Variants in ADH4 observed in about 807,000 individuals in gnomAD.
ADH4 encodes alcohol dehydrogenase 4 (class II), pi polypeptide.
ADH4 carries 31 observed loss-of-function variants against 35.2 expected under a neutral mutation model. That is an observed-to-expected ratio of 0.88 (90% CI 0.66 to 1.19). ADH4 has a LOEUF of 1.19. Ranked by LOEUF, ADH4 falls within the 50% of genes most tolerant of loss-of-function variation. ADH4 has a pLI of 0.00. For missense variants in ADH4, 476 were observed against 458.3 expected (o/e 1.04, Z -0.35); for synonymous variants, 171 against 160.2 (o/e 1.07, Z -0.51).
chr4:99,125,286 C>T (rs75115442), intron 8 of ADH4, among the ~76,000 whole-genome samples: 102 of 152,282 alleles, frequency 6.7e-4, no homozygotes, highest in African/African-American at 2.4e-3. Flanking sequence ...TGTGGGCAGT[C>T]AGGTGGTATT....
intron 6 of ADH4, among the ~76,000 whole-genome samples, chr4:99,129,561 G>A (rs1428142690): frequency 6.6e-6 from 1 of 152,088 alleles, no homozygotes; most frequent in Non-Finnish European, 1.5e-5. Context: ...TTTATAACCT[G>A]TTTCTTTTGA....
At chr4:99,131,305 T>C (rs991050024) in intron 6 of ADH4, among the ~76,000 whole-genome samples, 199 bp downstream of exon 6, 1 of 152,064 alleles carries the variant, frequency 6.6e-6, no homozygotes, top group African/African-American at 2.4e-5. Context: ...GTACTGGCAT[T>C]TGGGGGGACA....
rs145793949 is a variant in ADH4 at position 99,142,704 on chromosome 4, G to C, written c.95C>G (p.Pro32Arg). The part of the protein sequence containing the change: ...LCIEEVEVAP[P>R]KAHEVRIQII... ...CTGAATGCGAACTTCATGAGCCTTGGGGGGAGCTACTTCAACCTCTTCAAT... is the reference window on the plus strand; with the variant it reads ...CTGAATGCGAACTTCATGAGCCTTGCGGGGAGCTACTTCAACCTCTTCAAT... Residue 32 changes from proline (P) to arginine (R), a missense_variant, in exon 2 of 9, where the codon CCC (proline) becomes CGC (arginine). Pro to Arg is a moderately radical substitution (Grantham distance 103, BLOSUM62 -2). Coordinates refer to ENST00000265512, the MANE Select transcript of ADH4 (RefSeq NM_000670.5). The C allele has an allele frequency of 6.2e-5, 100 of 1,600,556 alleles. No individual in the cohort carries two copies. The highest frequency in any genetic ancestry group is 1.5e-4 in the South Asian group (13 of 88,856).
rs4148891 is a variant in ADH4 at position 99,127,193 on chromosome 4, GA to G, written c.979+15del. On this transcript the variant is annotated intron_variant, in intron 7 of 8. Transcript: ENST00000265512. ...TAGGAAAAGAATTTAAAGCTATGAA[GA>G]AAAAAAAAACTGACCACCAAAGAAT... 3.5e-4 allele frequency: 441 copies of G among 1,257,156 alleles called. No homozygotes were observed. Among genetic ancestry groups the G allele is most frequent in the African/African-American group, 3.0e-3 (196 of 64,934 alleles). The allele number at this position is 1,257,156 out of a possible 1,614,324, so 77.9% of individuals were successfully genotyped here.
Position 99,142,805 on chromosome 4 carries a change from A to C in ADH4, c.19-25T>G. On this transcript the variant is annotated intron_variant, in intron 1 of 8. Transcript: ENST00000265512. ...CCTGAAAGAGAGAAAGAAAAGGAAG[A>C]GGGAGATAGAGATAGAGATTTTGAC... 3.9e-6 allele frequency: 6 copies of C among 1,553,184 alleles called. No individual in the cohort carries two copies. In the South Asian group the frequency reaches 7.2e-5, roughly 19 times the overall value.
In ADH4 at chr4:99,139,161, G is replaced by A. The variant is rs1172665400; in HGVS notation, c.263-13C>T. On this transcript the variant is annotated splice_polypyrimidine_tract_variant and intron_variant, in intron 3 of 8. Transcript: ENST00000265512. ...ATTACTTTGTCACCTAGAAAGAAAG[G>A]CCATATGTTGGATGGTGCCTAAGGT... The A allele has an allele frequency of 2.5e-6, 4 of 1,590,990 alleles. No homozygotes were observed. Among genetic ancestry groups the A allele is most frequent in the African/African-American group, 1.3e-5 (1 of 74,406 alleles).
At chr4:99,127,691 T>C (rs1225393577) in intron 6 of ADH4, among the ~76,000 whole-genome samples, 1 of 151,706 alleles carries the variant, frequency 6.6e-6, no homozygotes, top group Non-Finnish European at 1.5e-5. Flanking sequence ...TAGCTGGGTG[T>C]GGTTGTGCCT....
intron 6 of ADH4, among the ~76,000 whole-genome samples, chr4:99,129,864 T>C (rs1729219741): frequency 6.6e-6 from 1 of 152,222 alleles, no homozygotes; most frequent in Admixed American, 6.5e-5. Flanking sequence ...CTAAGAATTA[T>C]GTATTCCCCT....
intron 5 of ADH4, among the ~76,000 whole-genome samples, chr4:99,133,335 C>T (rs375722666): frequency 1.8e-4 from 28 of 152,224 alleles, no homozygotes; most frequent in African/African-American, 6.7e-4. Context: ...AGGACATTTC[C>T]ACACTTCCAA....
intron 3 of ADH4, 111 bp downstream of exon 3, chr4:99,141,430 G>T (rs947087747): frequency 2.9e-6 from 3 of 1,019,044 alleles, no homozygotes; most frequent in African/African-American, 3.2e-5. Flanking sequence ...TGGAAAAGAT[G>T]GTCCCCTTTT....
chr4:99,134,398 G>A (rs920767934), intron 5 of ADH4, among the ~76,000 whole-genome samples: 2 of 149,592 alleles, frequency 1.3e-5, no homozygotes, highest in Admixed American at 6.7e-5. Flanking sequence ...ATATCAAAAC[G>A]TTAATTGCAC....
At position 99,141,679 on chromosome 4, in the gene ADH4, T is replaced by C. The variant is rs781034184; in HGVS notation, c.124A>G (p.Ile42Val). ...PKAHEVRIQIIATSLCHTDAT... is the reference protein window; with the variant it reads ...PKAHEVRIQIVATSLCHTDAT... ...TCAGTATGGCACAGAGAGGTAGCAA[T>C]GATCTACAAGGCAATCACAGACTTT... Residue 42 changes from isoleucine (I) to valine (V), a missense_variant, in exon 3 of 9, where the codon ATT becomes GTT. Coordinates refer to ENST00000265512, the MANE Select transcript of ADH4 (RefSeq NM_000670.5). 3.8e-5 allele frequency: 62 copies of C among 1,613,316 alleles called. No individual in the cohort carries two copies. The highest frequency in any genetic ancestry group is 1.6e-4 in the Middle Eastern group (1 of 6,078).
chr4:99,137,348 G>A (rs191709104), intron 4 of ADH4, among the ~76,000 whole-genome samples: 12 of 151,856 alleles, frequency 7.9e-5, no homozygotes, highest in Admixed American at 2.6e-4. Flanking sequence ...GGCTGGTCTC[G>A]AACTCCTGAC....
chr4:99,136,449 G>A lies in ADH4; in HGVS notation c.582+17C>T, dbSNP rs374074966. The A allele has an allele frequency of 6.2e-7, 1 of 1,600,848 alleles. No homozygotes were observed. ...TAGTAACTTCTGTTTTACACAAACT[G>A]GTGTTTAACCATTTACCTTGGCATT... On this transcript the variant is annotated intron_variant, in intron 5 of 8. Transcript: ENST00000265512.
chr4:99,126,468 G>T, intron 8 of ADH4, 126 bp downstream of exon 8: 1 of 866,942 alleles, frequency 1.2e-6, no homozygotes, highest in Non-Finnish European at 1.7e-6. Flanking sequence ...AATCTTTTAA[G>T]CACATCTAGT....
intron 5 of ADH4, among the ~76,000 whole-genome samples, chr4:99,134,015 C>T (rs1164570984): frequency 6.6e-6 from 1 of 152,086 alleles, no homozygotes; most frequent in Non-Finnish European, 1.5e-5. Context: ...ATGGTGAAAA[C>T]ATGGATAAAC....
intron 1 of ADH4, 52 bp downstream of exon 1, chr4:99,144,153 A>T: frequency 6.2e-7 from 1 of 1,604,332 alleles, no homozygotes; most frequent in Non-Finnish European, 8.5e-7. Context: ...AGCCAAACAT[A>T]CAAGGACACA....
Position 99,141,417 on chromosome 4 carries a change from C to T in ADH4, c.262+124G>A, listed in dbSNP as rs552219999. On this transcript the variant is annotated intron_variant, in intron 3 of 8. Transcript: ENST00000265512. ...GTGATAAATTGTGTCTCTCGTTTTA[C>T]TTTGGAAAAGATGGTCCCCTTTTGT... The T allele has an allele frequency of 8.7e-6, 8 of 919,426 alleles. No homozygotes were observed. In the East Asian group the frequency reaches 2.1e-4, roughly 24 times the overall value. 57.0% of individuals were successfully genotyped at this position (919,426 alleles called of 1,614,324 possible). A position where few individuals can be genotyped will look rare whatever the true frequency, so the allele number is the denominator to read the frequency against.
At position 99,124,307 on chromosome 4, in the gene ADH4, C is replaced by T. The variant is rs1729009443; in HGVS notation, c.*135G>A. 36 of 639,102 alleles carry T rather than the reference C, an allele frequency of 5.6e-5. No homozygotes were observed. In the South Asian group the frequency reaches 7.0e-4, roughly 12 times the overall value. The allele number at this position is 639,102 out of a possible 1,614,324, so 39.6% of individuals were successfully genotyped here. ...GGTACAAAGTCTATAATATTTAAAG[C>T]TCTTTTATGTTCCCATATTAAATGT... On this transcript the variant is annotated 3_prime_UTR_variant, in exon 9 of 9. Coordinates refer to ENST00000265512, the MANE Select transcript of ADH4 (RefSeq NM_000670.5).
Sources: gnomAD v4.1 joint callset for allele counts (sites outside exome capture counted in the v4.1 genomes callset) on GRCh38, gnomAD v4.1.1 for gene constraint, MANE v1.5 for transcripts, NCBI Gene and HGNC (gene_info 2026-07-23, HGNC 2026-07-21) for gene names.